The following SPOCK1 variants were observed in gnomAD, a reference collection of about 807,000 sequenced individuals.
The protein encoded by SPOCK1 is SPARC (osteonectin), cwcv and kazal like domains proteoglycan 1.
Under a neutral mutation model 55.3 loss-of-function variants are expected in SPOCK1, and 23 were observed. That is an observed-to-expected ratio of 0.42 (90% CI 0.30 to 0.59). SPOCK1 has a LOEUF of 0.59. SPOCK1 is among the 20% of genes least tolerant of loss of function. The pLI is 0.22. For synonymous variants in SPOCK1, 226 were observed against 221.0 expected, an observed-to-expected ratio of 1.02 and a Z score of -0.20; for missense variants, 499 against 552.5, an observed-to-expected ratio of 0.90 and a Z score of 0.97.
At chr5:137,003,193 G>A (rs982733437) in intron 6 of SPOCK1, among the ~76,000 whole-genome samples, 1 of 152,096 alleles carries the variant, frequency 6.6e-6, no homozygotes, top group Admixed American at 6.5e-5. Context: ...ATCACCTGAG[G>A]CCAGGAGTTC....
chr5:137,166,985 A>G (rs1754659394), intron 3 of SPOCK1, among the ~76,000 whole-genome samples: 1 of 152,078 alleles, frequency 6.6e-6, no homozygotes, highest in Admixed American at 6.6e-5. Flanking sequence ...TAACATTGAA[A>G]GTAAGTGGAC....
At chr5:137,167,424 CA>C (rs150523632) in intron 3 of SPOCK1, among the ~76,000 whole-genome samples, 4 of 150,188 alleles carry the variant, frequency 2.7e-5, no homozygotes, top group African/African-American at 4.9e-5. Flanking sequence ...AGAAAATTAA[CA>C]AAAAAAAACA....
At chr5:137,010,052 A>G (rs1438128380) in intron 6 of SPOCK1, among the ~76,000 whole-genome samples, 1 of 151,602 alleles carries the variant, frequency 6.6e-6, no homozygotes, top group Non-Finnish European at 1.5e-5. Flanking sequence ...AGAAGAGTCT[A>G]CCTCCCCCTC....
chr5:136,983,637 G>T (rs961431172), intron 9 of SPOCK1, among the ~76,000 whole-genome samples: 7 of 122,514 alleles, frequency 5.7e-5, no homozygotes, highest in Non-Finnish European at 9.9e-5. Context: ...AAAAAAAAAT[G>T]GGCTGAGGCC....
intron 2 of SPOCK1, among the ~76,000 whole-genome samples, chr5:137,374,338 T>C (rs922057293): frequency 6.6e-6 from 1 of 152,184 alleles, no homozygotes; most frequent in African/African-American, 2.4e-5. Context: ...AGTCTTTATT[T>C]AGCAGACTCA....
At chr5:137,226,662 A>T (rs1755952688) in intron 3 of SPOCK1, among the ~76,000 whole-genome samples, 2 of 152,136 alleles carry the variant, frequency 1.3e-5, no homozygotes. Context: ...ACCCTAGGGA[A>T]CCCCTACCCG....
At chr5:137,232,891 C>T (rs916512059) in intron 3 of SPOCK1, among the ~76,000 whole-genome samples, 125 of 152,244 alleles carry the variant, frequency 8.2e-4, no homozygotes, top group African/African-American at 2.9e-3. Flanking sequence ...AAATATAATA[C>T]AATTTGTATT....
At chr5:137,293,591 G>A (rs544110943) in intron 2 of SPOCK1, among the ~76,000 whole-genome samples, 1 of 152,080 alleles carries the variant, frequency 6.6e-6, no homozygotes, top group African/African-American at 2.4e-5. Flanking sequence ...CCTCCCCAGT[G>A]TGAGTGTGCT....
chr5:137,091,072 G>T (rs1753045296), intron 5 of SPOCK1, among the ~76,000 whole-genome samples: 1 of 152,166 alleles, frequency 6.6e-6, no homozygotes, highest in Non-Finnish European at 1.5e-5. Context: ...AGCTGAGGAG[G>T]ATGAAGACAC....
intron 2 of SPOCK1, among the ~76,000 whole-genome samples, chr5:137,354,051 T>C (rs911725043): frequency 6.6e-6 from 1 of 152,142 alleles, no homozygotes; most frequent in African/African-American, 2.4e-5. Flanking sequence ...CCATTTTCAC[T>C]CACGTTCTGA....
chr5:137,120,217 C>G (rs1753661205), intron 4 of SPOCK1, among the ~76,000 whole-genome samples: 1 of 152,134 alleles, frequency 6.6e-6, no homozygotes, highest in African/African-American at 2.4e-5. Context: ...TCAGGAGAGA[C>G]AAGCAGGCCC....
chr5:137,007,054 T>G (rs142168005), intron 6 of SPOCK1, among the ~76,000 whole-genome samples: 2,523 of 152,230 alleles, frequency 0.017, 63 homozygotes, highest in African/African-American at 0.055. Context: ...GATTCCCTAT[T>G]TAATAAATGG....
chr5:137,212,079 G>A (rs755603113), intron 3 of SPOCK1, among the ~76,000 whole-genome samples: 52 of 152,158 alleles, frequency 3.4e-4, no homozygotes, highest in Non-Finnish European at 5.6e-4. Flanking sequence ...TCACAGCCTG[G>A]GGCTTATGAC....
At chr5:137,267,418 C>A (rs1756879976) in intron 2 of SPOCK1, among the ~76,000 whole-genome samples, 1 of 152,174 alleles carries the variant, frequency 6.6e-6, no homozygotes, top group African/African-American at 2.4e-5. Context: ...GATTAAGCCT[C>A]TGTGTTTGTA....
intron 2 of SPOCK1, among the ~76,000 whole-genome samples, chr5:137,403,005 T>C (rs1003416773): frequency 6.6e-6 from 1 of 152,230 alleles, no homozygotes; most frequent in Non-Finnish European, 1.5e-5. Context: ...TGCTCAGAAA[T>C]GTGCCAAAGG....
rs575187068 is a variant in SPOCK1, at chr5:137,194,513, G to A, written c.233-53819C>T. On this transcript the variant is annotated intron_variant, in intron 3 of 10. Coordinates refer to ENST00000394945, the MANE Select transcript of SPOCK1 (RefSeq NM_004598.4). ...GAGCTGAGGGTGGGGGGCCAGGCAA[G>A]AGCACTGGTCTTTGCTTTCTCAGGA... Among the ~76,000 whole-genome samples, 46 of 152,264 alleles carry A rather than the reference G, an allele frequency of 3.0e-4. No homozygotes were observed. The South Asian group carries it at 9.1e-3, about 30-fold the overall frequency.
chr5:136,994,236 G>C, intron 6 of SPOCK1, among the ~76,000 whole-genome samples: 1 of 152,156 alleles, frequency 6.6e-6, no homozygotes, highest in East Asian at 1.9e-4. Context: ...TTAAAACACT[G>C]CCTTGCTTTT....
intron 2 of SPOCK1, among the ~76,000 whole-genome samples, chr5:137,466,142 A>C (rs75023435): frequency 0.01 from 1,576 of 152,370 alleles, 14 homozygotes; most frequent in South Asian, 0.042. Context: ...TTCATCTTGC[A>C]GAAGTTGAAA....
intron 3 of SPOCK1, among the ~76,000 whole-genome samples, chr5:137,224,941 T>G (rs766063824): frequency 1.3e-5 from 2 of 152,114 alleles, no homozygotes; most frequent in Non-Finnish European, 2.9e-5. Flanking sequence ...TGTGGTACAT[T>G]TCAAGTGTAA....
Sources: allele counts gnomAD v4.1 joint callset (sites outside exome capture counted in the v4.1 genomes callset), GRCh38; gene constraint gnomAD v4.1.1; transcripts MANE v1.5; gene names NCBI Gene and HGNC (gene_info 2026-07-23, HGNC 2026-07-21).